The following PTBP3 variants were observed in gnomAD, a reference collection of about 807,000 sequenced individuals.
PTBP3 encodes the protein polypyrimidine tract binding protein 3, also known as polypyrimidine tract-binding protein 3.
In PTBP3, 20 loss-of-function variants were observed where a neutral mutation model predicts 58.7. The observed-to-expected ratio is 0.34, with a 90% confidence interval of 0.24 to 0.50. The LOEUF (loss-of-function observed/expected upper bound fraction) is 0.50, where lower values mean the gene tolerates loss of function less well. Ranked by LOEUF, PTBP3 falls within the 20% of genes least tolerant of loss-of-function variation. The pLI, the probability that PTBP3 is intolerant of heterozygous loss-of-function variation, is 0.98. For synonymous variants in PTBP3, 185 were observed against 219.8 expected (o/e 0.84, Z 1.40); for missense variants, 509 against 637.2 (o/e 0.80, Z 2.17).
the PTBP3 span, among the ~76,000 whole-genome samples, chr9:112,354,558 T>G: frequency 6.6e-6 from 1 of 152,248 alleles, no homozygotes; most frequent in African/African-American, 2.4e-5. Context: ...AGTCCTCATA[T>G]TGCCTCTGTT....
intron 4 of PTBP3, among the ~76,000 whole-genome samples, chr9:112,264,175 T>C (rs1192131996): frequency 6.6e-6 from 1 of 152,176 alleles, no homozygotes; most frequent in Non-Finnish European, 1.5e-5. Context: ...TGTAAAATTT[T>C]AAAATGCCTG....
the PTBP3 span, among the ~76,000 whole-genome samples, chr9:112,342,239 G>C: frequency 6.6e-6 from 1 of 152,182 alleles, no homozygotes; most frequent in Non-Finnish European, 1.5e-5. Context: ...GACTTAGACA[G>C]AGCCGCATTA....
At chr9:112,314,161 C>T (rs1341387879) in intron 1 of PTBP3, among the ~76,000 whole-genome samples, 1 of 152,136 alleles carries the variant, frequency 6.6e-6, no homozygotes, top group East Asian at 1.9e-4. Flanking sequence ...TTTTGGGGTC[C>T]TTGGGAAGTA....
At chr9:112,296,194 G>C (rs1345111866) in intron 2 of PTBP3, among the ~76,000 whole-genome samples, 1 of 152,100 alleles carries the variant, frequency 6.6e-6, no homozygotes, top group Non-Finnish European at 1.5e-5. Context: ...ATTAAGCTAA[G>C]AGAATTTTTT....
At chr9:112,288,803 G>T (rs1035126412) in intron 2 of PTBP3, among the ~76,000 whole-genome samples, 2 of 152,156 alleles carry the variant, frequency 1.3e-5, no homozygotes, top group Non-Finnish European at 2.9e-5. Flanking sequence ...TTAATAATTT[G>T]ATGGATTTAA....
At chr9:112,375,964 T>C in the PTBP3 span, among the ~76,000 whole-genome samples, 4 of 152,052 alleles carry the variant, frequency 2.6e-5, no homozygotes, top group Non-Finnish European at 5.9e-5. Context: ...GATTCATTTA[T>C]GGTGGCCTGG....
At chr9:112,227,897 T>G (rs899085177) in intron 11 of PTBP3, among the ~76,000 whole-genome samples, 1 of 152,132 alleles carries the variant, frequency 6.6e-6, no homozygotes, top group East Asian at 1.9e-4. Flanking sequence ...TAGTAAGTAT[T>G]CATGAAATGG....
intron 1 of PTBP3, among the ~76,000 whole-genome samples, chr9:112,320,314 A>ATATATATATATATATATTTTT: frequency 7.3e-4 from 55 of 75,656 alleles, no homozygotes; most frequent in South Asian, 2.4e-3. Flanking sequence ...ATATATATAT[A>ATATATATATATATATATTTTT]TTTTTTTTTA....
intron 12 of PTBP3, among the ~76,000 whole-genome samples, chr9:112,224,908 C>G (rs977639593): frequency 1.1e-4 from 17 of 152,156 alleles, no homozygotes; most frequent in East Asian, 3.8e-4. Flanking sequence ...AGGCACATGA[C>G]TAAGCCATTT....
At chr9:112,352,313 A>T in the PTBP3 span, among the ~76,000 whole-genome samples, 8 of 151,638 alleles carry the variant, frequency 5.3e-5, no homozygotes, top group Non-Finnish European at 7.4e-5. Flanking sequence ...AGTTTTTTAA[A>T]TTTTTTTTTA....
rs67623635 is a variant in PTBP3 at position 112,225,332 on chromosome 9, A to ACTGG, written c.1365-1123_1365-1122insCCAG. Among the ~76,000 whole-genome samples the ACTGG allele has an allele frequency of 2.4e-4, 8 of 33,236 alleles. No individual in the cohort carries two copies. In the African/African-American group the frequency reaches 4.6e-3, roughly 19 times the overall value. 21.8% of individuals were successfully genotyped at this position (33,236 alleles called of 152,430 possible). ...TCAGTTTCATTAATACAATGAAAAT[A>ACTGG]CCTTACTTCAAAGGTTATTATGGAT... On this transcript the variant is annotated intron_variant, in intron 12 of 13. Transcript: ENST00000374257.
At chr9:112,334,134 G>A (rs1830512531), upstream of PTBP3, among the ~76,000 whole-genome samples, 1 of 151,784 alleles carries the variant, frequency 6.6e-6, no homozygotes. Context: ...CCAGGGACCA[G>A]CCTCTGGCAG....
At chr9:112,376,002 G>C in the PTBP3 span, among the ~76,000 whole-genome samples, 106 of 152,026 alleles carry the variant, frequency 7.0e-4, no homozygotes, top group African/African-American at 2.5e-3. Context: ...ATCCCTATCT[G>C]CCACTCATCC....
chr9:112,339,066 T>C, the PTBP3 span, among the ~76,000 whole-genome samples: 3 of 152,178 alleles, frequency 2.0e-5, no homozygotes, highest in African/African-American at 7.2e-5. Context: ...CAGCCTTTTT[T>C]ATTTAAATTC....
At chr9:112,305,442 T>C (rs1349489276) in intron 1 of PTBP3, among the ~76,000 whole-genome samples, 1 of 152,062 alleles carries the variant, frequency 6.6e-6, no homozygotes, top group Non-Finnish European at 1.5e-5. Context: ...GCCTATATAA[T>C]AGAGTTCCAA....
intron 7 of PTBP3, chr9:112,242,526 T>C (rs1335036795): frequency 4.6e-5 from 7 of 152,220 alleles, no homozygotes; most frequent in Admixed American, 4.6e-4. Context: ...GGAAATTTTA[T>C]AGGTATAAGT....
the PTBP3 span, among the ~76,000 whole-genome samples, chr9:112,342,561 CA>C: frequency 3.3e-5 from 5 of 152,128 alleles, no homozygotes; most frequent in African/African-American, 4.8e-5. Flanking sequence ...GCTAAATATA[CA>C]AAAAGTAGTC....
At chr9:112,290,579 C>G (rs1828350108) in intron 2 of PTBP3, among the ~76,000 whole-genome samples, 1 of 150,150 alleles carries the variant, frequency 6.7e-6, no homozygotes, top group Non-Finnish European at 1.5e-5. Flanking sequence ...GCCTGAGGCA[C>G]ATGAATCGCT....
At chr9:112,356,905 G>A in the PTBP3 span, among the ~76,000 whole-genome samples, 1 of 91,188 alleles carries the variant, frequency 1.1e-5, no homozygotes, top group African/African-American at 4.3e-5. Context: ...TTGAGACAGA[G>A]TTTCACTCTT....
Sources: gnomAD v4.1 joint callset for allele counts (sites outside exome capture counted in the v4.1 genomes callset) on GRCh38, gnomAD v4.1.1 for gene constraint, MANE v1.5 for transcripts, NCBI Gene and HGNC (gene_info 2026-07-23, HGNC 2026-07-21) for gene names.